Variants in DTD1 observed in about 807,000 individuals in gnomAD.
DTD1 encodes the protein D-tyrosyl-tRNA deacylase 1 homolog.
A neutral mutation model predicts 25.6 loss-of-function variants in DTD1; 13 were observed. The ratio of observed to expected loss-of-function variants is 0.51; its 90% CI spans 0.33 to 0.81. The LOEUF (loss-of-function observed/expected upper bound fraction) is 0.81, where lower values mean the gene tolerates loss of function less well. DTD1 is among the 30% of genes least tolerant of loss of function. DTD1 has a pLI of 0.02. For missense variants in DTD1, 193 were observed against 266.4 expected, an observed-to-expected ratio of 0.72 and a Z score of 1.92; for synonymous variants, 110 against 103.6, an observed-to-expected ratio of 1.06 and a Z score of -0.37.
Position 18,731,880 on chromosome 20 carries a change from C to G in DTD1, c.478-12220C>G, listed in dbSNP as rs552587920. On this transcript the variant is annotated intron_variant, in intron 4 of 5. Transcript: ENST00000377452. ...CTTCTCTTTCTTTTCTCCTTGAAGCCTTGGGGAATGTACTTCTATTTACTC... is the reference window on the plus strand; with the variant it reads ...CTTCTCTTTCTTTTCTCCTTGAAGCGTTGGGGAATGTACTTCTATTTACTC... Among the ~76,000 whole-genome samples, 145 of 152,190 alleles carry G rather than the reference C, an allele frequency of 9.5e-4. 3 individuals are homozygous for G. In the South Asian group the frequency reaches 0.029, roughly 31 times the overall value.
intron 4 of DTD1, among the ~76,000 whole-genome samples, chr20:18,729,474 G>A (rs544613657): frequency 3.9e-5 from 6 of 152,226 alleles, no homozygotes; most frequent in Admixed American, 3.9e-4. Context: ...TTGCAGAAGT[G>A]TCATAATAAT....
rs145271665 is a variant in DTD1, at chr20:18,692,510, C to A, written c.478-51590C>A. Among the ~76,000 whole-genome samples, 11 of 152,310 alleles carry A rather than the reference C, an allele frequency of 7.2e-5. No homozygotes were observed. In the East Asian group the frequency reaches 2.1e-3, roughly 29 times the overall value. ...GTTAACTGGTTTCATCAGGCTAGTA[C>A]AAGCCACCATGAATGGATCCACTCA... is the stretch of plus-strand genomic sequence containing the variant. On this transcript the variant is annotated intron_variant, in intron 4 of 5. Coordinates refer to ENST00000377452, the MANE Select transcript of DTD1 (RefSeq NM_080820.6).
chr20:18,672,511 G>T (rs2060954578), intron 4 of DTD1, among the ~76,000 whole-genome samples: 1 of 151,892 alleles, frequency 6.6e-6, no homozygotes, highest in African/African-American at 2.4e-5. Context: ...AAGAAAAAAA[G>T]ATTTGTTTCC....
At chr20:18,637,872 T>C (rs950233728) in intron 4 of DTD1, among the ~76,000 whole-genome samples, 5 of 152,204 alleles carry the variant, frequency 3.3e-5, no homozygotes, top group African/African-American at 4.8e-5. Context: ...AGTATCACAA[T>C]TTTTTCTCCT....
In DTD1 at chr20:18,690,088, A is replaced by ATC. The variant is rs201991172; in HGVS notation, c.478-54011_478-54010dup. On this transcript the variant is annotated intron_variant, in intron 4 of 5. Transcript: ENST00000377452. ...GAGTTCAAGACTGCAATGAGCTGTG[A>ATC]TCACACCACTGCATTTCAGCCTGGG... Among the ~76,000 whole-genome samples the ATC allele has an allele frequency of 4.7e-3, 707 of 150,222 alleles. 7 individuals are homozygous for ATC. Among genetic ancestry groups the ATC allele is most frequent in the African/African-American group, 0.017 (683 of 41,002 alleles).
At chr20:18,601,818 T>TG (rs1021440257) in intron 3 of DTD1, among the ~76,000 whole-genome samples, 7 of 151,586 alleles carry the variant, frequency 4.6e-5, no homozygotes, top group African/African-American at 1.5e-4. Context: ...ACCGCAAAGA[T>TG]GGGGAAAAAA....
At chr20:18,621,951 C>T (rs927950825) in intron 3 of DTD1, among the ~76,000 whole-genome samples, 14 of 151,938 alleles carry the variant, frequency 9.2e-5, no homozygotes, top group Non-Finnish European at 1.3e-4. Flanking sequence ...GTAGTCCCAG[C>T]TACTCGGGAG....
intron 4 of DTD1, among the ~76,000 whole-genome samples, chr20:18,660,636 CATCCT>C (rs1487009891): frequency 1.3e-5 from 2 of 152,140 alleles, no homozygotes; most frequent in Non-Finnish European, 2.9e-5. Flanking sequence ...TTAAAATAGA[CATCCT>C]ATCGGCTCAT....
intron 4 of DTD1, among the ~76,000 whole-genome samples, chr20:18,648,410 A>C (rs1416699382): frequency 6.6e-6 from 1 of 152,166 alleles, no homozygotes; most frequent in Non-Finnish European, 1.5e-5. Flanking sequence ...GGGAGCAATG[A>C]TCTGGGATGT....
chr20:18,695,943 G>T (rs907376911), intron 4 of DTD1, among the ~76,000 whole-genome samples: 2 of 152,058 alleles, frequency 1.3e-5, no homozygotes, highest in African/African-American at 2.4e-5. Context: ...CCCTCAAAGC[G>T]CTGGGATTAT....
intron 5 of DTD1, among the ~76,000 whole-genome samples, chr20:18,757,379 GC>G (rs1319248321): frequency 6.6e-6 from 1 of 152,174 alleles, no homozygotes; most frequent in African/African-American, 2.4e-5. Context: ...TCCAGTTTTT[GC>G]CCATTCAGTA....
intron 4 of DTD1, among the ~76,000 whole-genome samples, chr20:18,742,450 C>G (rs1248341587): frequency 1.3e-5 from 2 of 152,168 alleles, no homozygotes; most frequent in African/African-American, 4.8e-5. Flanking sequence ...AGGTGAGCAG[C>G]CTATGAACGA....
At chr20:18,618,119 G>A (rs943024192) in intron 3 of DTD1, among the ~76,000 whole-genome samples, 3 of 152,116 alleles carry the variant, frequency 2.0e-5, no homozygotes, top group Non-Finnish European at 4.4e-5. Flanking sequence ...TGGGATAGAC[G>A]GTGCCAGATG....
chr20:18,619,089 C>G (rs930039833), intron 3 of DTD1, among the ~76,000 whole-genome samples: 2 of 152,166 alleles, frequency 1.3e-5, no homozygotes, highest in Non-Finnish European at 2.9e-5. Context: ...AAGCCGTCTT[C>G]CCACCTTAGC....
chr20:18,731,212 G>A (rs1000632251), intron 4 of DTD1, among the ~76,000 whole-genome samples: 2 of 152,064 alleles, frequency 1.3e-5, no homozygotes, highest in African/African-American at 2.4e-5. Context: ...CATCTGCTCC[G>A]CTCCCTCCTT....
intron 5 of DTD1, among the ~76,000 whole-genome samples, chr20:18,755,692 C>T (rs1161849648): frequency 6.6e-6 from 1 of 152,188 alleles, no homozygotes; most frequent in Non-Finnish European, 1.5e-5. Flanking sequence ...TGGGTTGGTT[C>T]CAAGTCTTTA....
intron 4 of DTD1, among the ~76,000 whole-genome samples, chr20:18,742,614 A>G (rs1462153408): frequency 6.6e-6 from 1 of 152,218 alleles, no homozygotes; most frequent in Non-Finnish European, 1.5e-5. Context: ...GAGATGGAAC[A>G]GTTTCATCCT....
chr20:18,690,879 A>G (rs574812615), intron 4 of DTD1, among the ~76,000 whole-genome samples: 2 of 152,332 alleles, frequency 1.3e-5, no homozygotes, highest in East Asian at 3.9e-4. Context: ...TTTTTATGAA[A>G]AATGACATTG....
At chr20:18,628,089 G>A (rs2060766654) in intron 3 of DTD1, 38 bp from the exon 4 acceptor site, 2 of 1,550,128 alleles carry the variant, frequency 1.3e-6, no homozygotes, top group African/African-American at 2.7e-5. Context: ...GTAATCTGGT[G>A]TCTCCATCTT....
Sources: allele counts gnomAD v4.1 joint callset (sites outside exome capture counted in the v4.1 genomes callset), GRCh38; gene constraint gnomAD v4.1.1; transcripts MANE v1.5; gene names NCBI Gene and HGNC (gene_info 2026-07-23, HGNC 2026-07-21).